The following AOPEP variants were observed in gnomAD, a reference collection of about 807,000 sequenced individuals.
AOPEP encodes aminopeptidase O.
In AOPEP, 77 loss-of-function variants were observed where a neutral mutation model predicts 98.1. The observed-to-expected ratio is 0.78, with a 90% CI of 0.65 to 0.95. The LOEUF is 0.95. Ranked by LOEUF, AOPEP falls within the 40% of genes least tolerant of loss-of-function variation. The pLI, the probability that AOPEP is intolerant of heterozygous loss-of-function variation, is 0.00. For synonymous variants in AOPEP, 346 were observed against 365.3 expected (o/e 0.95, Z 0.60); for missense variants, 1,024 against 1,024.7 (o/e 1.00, Z 0.01).
intron 14 of AOPEP, among the ~76,000 whole-genome samples, chr9:95,073,523 G>A (rs1176068189): frequency 6.6e-6 from 1 of 150,418 alleles, no homozygotes; most frequent in Non-Finnish European, 1.5e-5. Flanking sequence ...GGGGGCTCCC[G>A]CCTGTAATCC....
At chr9:94,923,085 G>A (rs2053847444) in intron 5 of AOPEP, among the ~76,000 whole-genome samples, 1 of 152,096 alleles carries the variant, frequency 6.6e-6, no homozygotes, top group African/African-American at 2.4e-5. Context: ...ATTTTTTTAA[G>A]GGCAAATTCT....
intron 5 of AOPEP, among the ~76,000 whole-genome samples, chr9:94,919,624 A>C (rs905376454): frequency 3.9e-5 from 6 of 152,008 alleles, no homozygotes; most frequent in Middle Eastern, 3.4e-3. Flanking sequence ...GACATACATC[A>C]CTTCACACCT....
At chr9:95,099,436 C>T in the AOPEP span, 22 of 226,710 alleles carry the variant, frequency 9.7e-5, no homozygotes, top group South Asian at 3.3e-3. Context: ...GGCCACGCCG[C>T]GTCCCCGCCC....
chr9:94,760,454 C>A lies in AOPEP; in HGVS notation c.671C>A (p.Thr224Asn). The change falls in exon 2 of 17, where the codon ACT becomes AAT. Residue 224 changes from threonine to asparagine, a missense_variant. Physicochemically the swap from Thr to Asn is moderately conservative, Grantham distance 65. Transcript: ENST00000375315. ...GGGGAACTCCTCTTTGACACTGACA[C>A]TTGGAGCTTGCAGATAAGGAAGACA... is the stretch of plus-strand genomic sequence containing the variant. ...GCGELLFDTD[T>N]WSLQIRKTGA... is the part of the protein sequence containing the mutation. The A allele has an allele frequency of 6.2e-7, 1 of 1,613,706 alleles. No homozygotes were observed. The highest frequency in any genetic ancestry group is 8.5e-7 in the Non-Finnish European group (1 of 1,179,836).
intron 11 of AOPEP, chr9:95,004,841 A>T (rs1465009604): frequency 3.4e-5 from 5 of 146,990 alleles, no homozygotes; most frequent in Non-Finnish European, 1.5e-5. Context: ...CGTGGGGAGA[A>T]CAATACAATG....
At chr9:95,128,692 G>C in the AOPEP span, among the ~76,000 whole-genome samples, 1 of 152,162 alleles carries the variant, frequency 6.6e-6, no homozygotes, top group African/African-American at 2.4e-5. Flanking sequence ...TCAATCCAAT[G>C]TTTTAAATGC....
chr9:94,776,817 T>A (rs184394683), intron 3 of AOPEP, among the ~76,000 whole-genome samples: 1 of 152,194 alleles, frequency 6.6e-6, no homozygotes, highest in South Asian at 2.1e-4. Context: ...TTCTAGGAAT[T>A]ACTATTATTG....
intron 5 of AOPEP, among the ~76,000 whole-genome samples, chr9:94,827,200 T>C (rs1453334364): frequency 2.6e-5 from 4 of 152,168 alleles, no homozygotes; most frequent in East Asian, 3.8e-4. Flanking sequence ...AGTAGAGAGA[T>C]GGTGGTATTT....
intron 13 of AOPEP, among the ~76,000 whole-genome samples, chr9:95,013,805 C>G (rs1388073249): frequency 1.3e-5 from 2 of 152,184 alleles, no homozygotes; most frequent in Non-Finnish European, 2.9e-5. Context: ...AAGTCTGTTA[C>G]TCCATTGTCA....
At chr9:95,108,882 G>GTATC in the AOPEP span, among the ~76,000 whole-genome samples, 1 of 150,950 alleles carries the variant, frequency 6.6e-6, no homozygotes, top group South Asian at 2.1e-4. Flanking sequence ...TCAGTTCACT[G>GTATC]TATCTATAGA....
chr9:94,735,903 T>C (rs1404494095), intron 1 of AOPEP, among the ~76,000 whole-genome samples: 3 of 152,222 alleles, frequency 2.0e-5, no homozygotes, highest in Admixed American at 6.5e-5. Flanking sequence ...TTCATGTAAA[T>C]GTAATCATAG....
chr9:95,079,031 C>T (rs1277044673), intron 14 of AOPEP, among the ~76,000 whole-genome samples: 1 of 152,232 alleles, frequency 6.6e-6, no homozygotes, highest in South Asian at 2.1e-4. Context: ...ATTTTGCCGT[C>T]CCAGCCTCCT....
intron 13 of AOPEP, among the ~76,000 whole-genome samples, chr9:95,011,536 A>G (rs1442004848): frequency 1.3e-5 from 2 of 152,072 alleles, no homozygotes; most frequent in East Asian, 1.9e-4. Flanking sequence ...TTTGCTGGGC[A>G]TGGTAACTCA....
chr9:94,806,955 A>G (rs1296735483), intron 5 of AOPEP, among the ~76,000 whole-genome samples: 1 of 152,232 alleles, frequency 6.6e-6, no homozygotes, highest in African/African-American at 2.4e-5. Flanking sequence ...ATGGCTGTCA[A>G]GAGTCTGGTG....
chr9:94,919,450 A>G (rs1423643176), intron 5 of AOPEP, among the ~76,000 whole-genome samples: 3 of 152,108 alleles, frequency 2.0e-5, no homozygotes, highest in African/African-American at 7.2e-5. Flanking sequence ...AGAGGGAAGG[A>G]GGGTCCTGCC....
the AOPEP span, among the ~76,000 whole-genome samples, chr9:95,098,160 C>A: frequency 2.6e-5 from 4 of 152,174 alleles, no homozygotes; most frequent in Non-Finnish European, 4.4e-5. Flanking sequence ...GTGCATCCGC[C>A]GTCCTCTGGG....
At chr9:94,766,711 A>G (rs1015082241) in intron 2 of AOPEP, among the ~76,000 whole-genome samples, 4 of 152,250 alleles carry the variant, frequency 2.6e-5, no homozygotes, top group Non-Finnish European at 5.9e-5. Flanking sequence ...TAGGAAATTT[A>G]TTAGAAAAAC....
At chr9:94,781,911 G>C (rs1288540417) in intron 3 of AOPEP, among the ~76,000 whole-genome samples, 1 of 151,224 alleles carries the variant, frequency 6.6e-6, no homozygotes, top group East Asian at 2.0e-4. Context: ...TACTCTGAGG[G>C]CTGGGTGCCA....
At chr9:94,784,645 T>C (rs1329484350) in intron 3 of AOPEP, among the ~76,000 whole-genome samples, 1 of 152,274 alleles carries the variant, frequency 6.6e-6, no homozygotes, top group Non-Finnish European at 1.5e-5. Flanking sequence ...AGATGGAGTT[T>C]CACTCTGTCG....
Sources: allele counts gnomAD v4.1 joint callset (sites outside exome capture counted in the v4.1 genomes callset), GRCh38; gene constraint gnomAD v4.1.1; transcripts MANE v1.5; gene names NCBI Gene and HGNC (gene_info 2026-07-23, HGNC 2026-07-21).